GALNT18: variants seen among roughly 807,000 people sequenced by gnomAD.
GALNT18 encodes GalNAc-transferase 18.
In GALNT18, 44 loss-of-function variants were observed where a neutral mutation model predicts 69.5. The ratio of observed to expected loss-of-function variants is 0.63; its 90% CI spans 0.50 to 0.81. GALNT18 has a LOEUF of 0.81. GALNT18 is among the 40% of genes least tolerant of loss of function. The pLI, the probability that GALNT18 is intolerant of heterozygous loss-of-function variation, is 0.00. For missense variants in GALNT18, 715 were observed against 810.0 expected, an observed-to-expected ratio of 0.88 and a Z score of 1.42; for synonymous variants, 364 against 318.2, an observed-to-expected ratio of 1.14 and a Z score of -1.53.
chr11:11,566,486 G>T (rs1209213801), intron 1 of GALNT18, among the ~76,000 whole-genome samples: 1 of 152,198 alleles, frequency 6.6e-6, no homozygotes, highest in African/African-American at 2.4e-5. Context: ...AATACATTGT[G>T]GTTCTGCAGG....
intron 1 of GALNT18, among the ~76,000 whole-genome samples, chr11:11,519,951 G>A (rs368853045): frequency 1.9e-4 from 29 of 152,328 alleles, no homozygotes; most frequent in East Asian, 7.7e-4. Flanking sequence ...TCCAAGGAGC[G>A]ACACTGGATC....
In GALNT18 at chr11:11,617,490, C is replaced by T. The variant is rs1415170197; in HGVS notation, c.235+3869G>A. 4.6e-5 allele frequency among the ~76,000 whole-genome samples: 7 copies of T among 152,038 alleles called. No homozygotes were observed. Among genetic ancestry groups the T allele is most frequent in the African/African-American group, 1.2e-4 (5 of 41,398 alleles). On this transcript the variant is annotated intron_variant, in intron 1 of 10. Coordinates refer to ENST00000227756, the MANE Select transcript of GALNT18 (RefSeq NM_198516.3). This position sits in a 1 kb window ranked among gnomAD's most constrained non-coding sequence, Gnocchi z 4.7. ...AGCAAATATGGAAAAAATAGTGCTT[C>T]GTTAACAAAAAGAAAGTGAACAAAG...
chr11:11,399,430 C>T (rs372263930), intron 3 of GALNT18, among the ~76,000 whole-genome samples: 1 of 152,034 alleles, frequency 6.6e-6, no homozygotes, highest in African/African-American at 2.4e-5. Context: ...GTTTTGAGTG[C>T]CTGTGTCAAA....
At chr11:11,560,119 TGG>T (rs1212402745) in intron 1 of GALNT18, among the ~76,000 whole-genome samples, 359 of 147,928 alleles carry the variant, frequency 2.4e-3, no homozygotes, top group Middle Eastern at 7.7e-3. Context: ...TAAGATACAA[TGG>T]GATGGGATGG....
rs1368642013 is a variant in GALNT18, at chr11:11,337,468, G to A, written c.1278+3351C>T. Among the ~76,000 whole-genome samples, 1 of 152,156 alleles carries A rather than the reference G, an allele frequency of 6.6e-6. No homozygotes were observed. Among genetic ancestry groups the A allele is most frequent in the Non-Finnish European group, 1.5e-5 (1 of 68,034 alleles). On this transcript the variant is annotated intron_variant, in intron 7 of 10. Transcript: ENST00000227756. This position sits in a 1 kb window ranked among gnomAD's most constrained non-coding sequence, Gnocchi z 4.9. ...AAACCAGTTAAGTGGTAATCTGTGG[G>A]GGTGGAACCCAACTGATTTTGAAGT...
At chr11:11,489,525 G>A (rs911601958) in intron 1 of GALNT18, among the ~76,000 whole-genome samples, 3 of 152,172 alleles carry the variant, frequency 2.0e-5, no homozygotes, top group African/African-American at 4.8e-5. Context: ...TCCTTGGCAG[G>A]TCGCTCCCTA....
In GALNT18 at chr11:11,586,058, C is replaced by T. The variant is rs867598677; in HGVS notation, c.235+35301G>A. 2.0e-5 allele frequency among the ~76,000 whole-genome samples: 3 copies of T among 152,128 alleles called. No individual in the cohort carries two copies. Among genetic ancestry groups the T allele is most frequent in the African/African-American group, 7.2e-5 (3 of 41,426 alleles). ...ACAAGAACGTGGTGGTCTGTGAACC[C>T]GGCAGTGGGCCCTTACCAAATGCTG... On this transcript the variant is annotated intron_variant, in intron 1 of 10. Coordinates refer to ENST00000227756, the MANE Select transcript of GALNT18 (RefSeq NM_198516.3). The surrounding 1 kb of genome is among the most constrained non-coding windows in gnomAD (Gnocchi z 4.1).
At chr11:11,416,276 A>G (rs963322774) in intron 3 of GALNT18, among the ~76,000 whole-genome samples, 1 of 152,182 alleles carries the variant, frequency 6.6e-6, no homozygotes, top group Non-Finnish European at 1.5e-5. Context: ...TTTCTGTTGT[A>G]TCACTGAATG....
intron 1 of GALNT18, among the ~76,000 whole-genome samples, chr11:11,460,094 G>C (rs1259451019): frequency 6.6e-6 from 1 of 152,138 alleles, no homozygotes; most frequent in African/African-American, 2.4e-5. Context: ...CCCTACGGTT[G>C]CGTTAGGCAC....
At position 11,351,882 on chromosome 11, in the gene GALNT18, T is replaced by A. The variant is rs1228328134; in HGVS notation, c.1093-10878A>T. ...TCACCCCTCCCCGCCAGGCGCAAGC[T>A]GCATCAAGGAGGGGGTGGACTCCCC... On this transcript the variant is annotated intron_variant, in intron 6 of 10. Transcript: ENST00000227756. 2.3e-6 allele frequency: 3 copies of A among 1,288,204 alleles called. No individual in the cohort carries two copies. In the African/African-American group the frequency reaches 4.3e-5, roughly 19 times the overall value. The allele number at this position is 1,288,204 out of a possible 1,614,324, so 79.8% of individuals were successfully genotyped here.
chr11:11,274,909 G>A (rs1848907955), intron 10 of GALNT18, among the ~76,000 whole-genome samples: 1 of 152,194 alleles, frequency 6.6e-6, no homozygotes, highest in African/African-American at 2.4e-5. Context: ...AGTGTTCCAT[G>A]GTGTATATGT....
rs750919694 is a variant in GALNT18, at chr11:11,338,863, G to A, written c.1278+1956C>T. ...TGAAGGTAAGAGGAGCCCTTGAAGA[G>A]TTAGGAATAAATGGAGAGAGATAAG... On this transcript the variant is annotated intron_variant, in intron 7 of 10. Transcript: ENST00000227756. The surrounding 1 kb of genome is among the most constrained non-coding windows in gnomAD (Gnocchi z 5.3). Among the ~76,000 whole-genome samples, 29 of 152,148 alleles carry A rather than the reference G, an allele frequency of 1.9e-4. 1 individual carries two copies. Among genetic ancestry groups the A allele is most frequent in the Admixed American group, 2.0e-4 (3 of 15,272 alleles).
At chr11:11,612,789 C>T (rs1859943078) in intron 1 of GALNT18, among the ~76,000 whole-genome samples, 1 of 152,234 alleles carries the variant, frequency 6.6e-6, no homozygotes, top group Non-Finnish European at 1.5e-5. Context: ...CACAAGCCTC[C>T]TTGTAGGCAT....
In GALNT18 at chr11:11,454,473, G is replaced by A. The variant is rs901146962; in HGVS notation, c.236-5537C>T. Among the ~76,000 whole-genome samples the A allele has an allele frequency of 2.6e-5, 4 of 152,078 alleles. No individual in the cohort carries two copies. The highest frequency in any genetic ancestry group is 5.9e-5 in the Non-Finnish European group (4 of 68,022). On this transcript the variant is annotated intron_variant, in intron 1 of 10. Coordinates refer to ENST00000227756, the MANE Select transcript of GALNT18 (RefSeq NM_198516.3). This position sits in a 1 kb window ranked among gnomAD's most constrained non-coding sequence, Gnocchi z 4.2. ...TAGGGAGAAGGAAGATAAGGAGGGA[G>A]GCAGGGAGAGAAGGAGGCTGTGTCT...
intron 1 of GALNT18, among the ~76,000 whole-genome samples, chr11:11,502,822 C>T (rs548514983): frequency 3.3e-5 from 5 of 152,162 alleles, no homozygotes; most frequent in African/African-American, 7.2e-5. Context: ...GATAAATTCA[C>T]GGCTGAATTC....
intron 9 of GALNT18, among the ~76,000 whole-genome samples, chr11:11,294,566 C>T (rs917182783): frequency 3.3e-5 from 5 of 151,520 alleles, no homozygotes; most frequent in Non-Finnish European, 7.4e-5. Flanking sequence ...ACCATACAGC[C>T]TCTGAAAACT....
rs1396663470 is a variant in GALNT18, at chr11:11,604,320, G to C, written c.235+17039C>G. On this transcript the variant is annotated intron_variant, in intron 1 of 10. Transcript: ENST00000227756. The surrounding 1 kb of genome is among the most constrained non-coding windows in gnomAD (Gnocchi z 5.6). ...TCATTGTGCATGGTCTCCATCAGTG[G>C]CACTGTGCTGACCACGCCATCCACA... Among the ~76,000 whole-genome samples, 1 of 151,856 alleles carries C rather than the reference G, an allele frequency of 6.6e-6. No homozygotes were observed. The highest frequency in any genetic ancestry group is 2.4e-5 in the African/African-American group (1 of 41,322).
intron 1 of GALNT18, among the ~76,000 whole-genome samples, chr11:11,599,915 A>G (rs1285462768): frequency 1.3e-5 from 2 of 151,978 alleles, no homozygotes; most frequent in African/African-American, 4.8e-5. Context: ...GAACATTTAG[A>G]ATATCTTTAA....
At chr11:11,509,036 C>T (rs7925530) in intron 1 of GALNT18, among the ~76,000 whole-genome samples, 15,129 of 152,184 alleles carry the variant, frequency 0.099, 913 homozygotes, top group South Asian at 0.19. Context: ...GACTTCCCTA[C>T]CTCTCGGACC....
Sources: gnomAD v4.1 joint callset for allele counts (sites outside exome capture counted in the v4.1 genomes callset) on GRCh38, gnomAD v4.1.1 for gene constraint, Gnocchi (gnomAD v3.1) non-coding constraint, MANE v1.5 for transcripts, NCBI Gene and HGNC (gene_info 2026-07-23, HGNC 2026-07-21) for gene names.